The following DNAH12 variants were observed in gnomAD, a reference collection of about 807,000 sequenced individuals.
The protein encoded by DNAH12 is dynein axonemal heavy chain 12.
A neutral mutation model predicts 371.5 loss-of-function variants in DNAH12; 285 were observed. The observed-to-expected ratio is 0.77, with a 90% CI of 0.70 to 0.85. The LOEUF is 0.85. DNAH12 is among the 40% of genes least tolerant of loss of function. The pLI is 0.00. For missense variants in DNAH12, 3,611 were observed against 3,689.4 expected, an observed-to-expected ratio of 0.98 and a Z score of 0.55; for synonymous variants, 1,200 against 1,213.0, an observed-to-expected ratio of 0.99 and a Z score of 0.22.
intron 60 of DNAH12, among the ~76,000 whole-genome samples, chr3:57,349,078 A>G (rs182703009): frequency 1.3e-4 from 20 of 152,372 alleles, no homozygotes; most frequent in African/African-American, 4.6e-4. Flanking sequence ...CAATCTATAT[A>G]TCTGGCAAAG....
chr3:57,326,416 A>T (rs1301033534), intron 62 of DNAH12, among the ~76,000 whole-genome samples: 1 of 152,196 alleles, frequency 6.6e-6, no homozygotes, highest in Non-Finnish European at 1.5e-5. Flanking sequence ...AACATTCTTA[A>T]AGAAAAGAAT....
intron 55 of DNAH12, among the ~76,000 whole-genome samples, chr3:57,373,002 T>C (rs1426478578): frequency 1.3e-5 from 2 of 152,144 alleles, no homozygotes; most frequent in African/African-American, 2.4e-5. Context: ...ACTCAACAAA[T>C]AGTGCTGGAG....
rs765599481 is a variant in DNAH12, at chr3:57,468,725, T to C, written c.2349+11A>G. 1.5e-4 allele frequency: 201 copies of C among 1,340,566 alleles called. No homozygotes were observed. Among genetic ancestry groups the C allele is most frequent in the Non-Finnish European group, 1.9e-4 (194 of 1,033,486 alleles). The allele number at this position is 1,340,566 out of a possible 1,614,324, so 83.0% of individuals were successfully genotyped here. A position where few individuals can be genotyped will look rare whatever the true frequency, so the allele number is the denominator to read the frequency against. Reference sequence around the variant, plus strand: ...GCTATAATATTAAAATGTTATTATATATATTTATACCTTAAAAGCTTTTAT... The same window carrying C: ...GCTATAATATTAAAATGTTATTATACATATTTATACCTTAAAAGCTTTTAT... On this transcript the variant is annotated intron_variant, in intron 17 of 73. Coordinates refer to ENST00000495027, the MANE Select transcript of DNAH12 (RefSeq NM_001366028.2).
chr3:57,432,720 T>G (rs901854295), intron 32 of DNAH12, among the ~76,000 whole-genome samples: 6 of 151,962 alleles, frequency 3.9e-5, no homozygotes, highest in African/African-American at 1.5e-4. Flanking sequence ...TAATTCATCA[T>G]AGAAGTCAGA....
chr3:57,297,746 G>A lies in DNAH12; in HGVS notation c.11395-762C>T, dbSNP rs181863392. Among the ~76,000 whole-genome samples, 5 of 152,182 alleles carry A rather than the reference G, an allele frequency of 3.3e-5. No individual in the cohort carries two copies. In the East Asian group the frequency reaches 9.7e-4, roughly 29 times the overall value. On this transcript the variant is annotated intron_variant, in intron 70 of 73. Coordinates refer to ENST00000495027, the MANE Select transcript of DNAH12 (RefSeq NM_001366028.2). ...TTCATGGTCTTCTTTCTGTACCAGT[G>A]CATGTTGTCTTCTTGCTTCTTCCCT...
chr3:57,428,752 A>T lies in DNAH12; in HGVS notation c.5134T>A (p.Ser1712Thr), dbSNP rs1468582215. 1 of 1,551,554 alleles carries T rather than the reference A, an allele frequency of 6.4e-7. No homozygotes were observed. The highest frequency in any genetic ancestry group is 8.7e-7 in the Non-Finnish European group (1 of 1,146,940). Residue 1712 changes from serine to threonine, a missense_variant, in exon 34 of 74, where the codon TCT (serine) becomes ACT (threonine). This residue lies in a region of DNAH12 where 2,266 missense variants were observed against 2,236.9 expected (regional missense o/e 1.01). Transcript: ENST00000495027. ...PSQLGWEPLV[S>T]SWLNSLKGPL... ...CCTTTCAGTGAATTCAACCAAGAAGACACAAGTGGTTCCCATCCTAACTGT... is the reference window on the plus strand; with the variant it reads ...CCTTTCAGTGAATTCAACCAAGAAGTCACAAGTGGTTCCCATCCTAACTGT...
chr3:57,334,423 G>A (rs1322793722), intron 62 of DNAH12, 42 bp downstream of exon 62: 4 of 1,510,448 alleles, frequency 2.6e-6, no homozygotes, highest in Non-Finnish European at 3.5e-6. Context: ...TTCATAAATG[G>A]CAAATTATCT....
At chr3:57,322,808 T>C (rs2061838721) in intron 64 of DNAH12, among the ~76,000 whole-genome samples, 199 bp downstream of exon 64, 1 of 152,124 alleles carries the variant, frequency 6.6e-6, no homozygotes, top group African/African-American at 2.4e-5. Context: ...TATGCGCCTG[T>C]AATCCCAGCT....
chr3:57,336,547 G>T (rs782505371), intron 60 of DNAH12, among the ~76,000 whole-genome samples: 2 of 151,738 alleles, frequency 1.3e-5, no homozygotes, highest in Non-Finnish European at 2.9e-5. Flanking sequence ...ATATTGAAAA[G>T]ATTCATTACA....
intron 2 of DNAH12, among the ~76,000 whole-genome samples, chr3:57,537,878 T>A (rs2069117421): frequency 6.6e-6 from 1 of 152,090 alleles, no homozygotes; most frequent in African/African-American, 2.4e-5. Context: ...AGAGACGGTG[T>A]TTCACCATGT....
intron 2 of DNAH12, among the ~76,000 whole-genome samples, chr3:57,529,209 T>C (rs1013083449): frequency 7.2e-5 from 11 of 152,194 alleles, no homozygotes; most frequent in African/African-American, 2.7e-4. Context: ...CTTTTTTTGA[T>C]GTATCTTTGT....
chr3:57,344,964 A>G (rs2062502516), intron 60 of DNAH12, among the ~76,000 whole-genome samples: 1 of 152,104 alleles, frequency 6.6e-6, no homozygotes, highest in Admixed American at 6.5e-5. Context: ...ATTCATGTAT[A>G]ATTTTTGACT....
At chr3:57,513,077 G>T (rs1286051570) in intron 4 of DNAH12, among the ~76,000 whole-genome samples, 1 of 151,662 alleles carries the variant, frequency 6.6e-6, no homozygotes, top group Middle Eastern at 3.2e-3. Flanking sequence ...AGCGGAGATT[G>T]CAGTGAGCCG....
chr3:57,365,439 C>A (rs1312885224), intron 57 of DNAH12, among the ~76,000 whole-genome samples: 1 of 152,070 alleles, frequency 6.6e-6, no homozygotes, highest in Admixed American at 6.6e-5. Flanking sequence ...TAGGGAACAA[C>A]ACACACTGGG....
chr3:57,480,309 T>C (rs547509509), intron 13 of DNAH12, among the ~76,000 whole-genome samples: 115 of 152,176 alleles, frequency 7.6e-4, no homozygotes, highest in African/African-American at 2.6e-3. Flanking sequence ...GCAAATAAAC[T>C]AGAAAATCTA....
At chr3:57,482,074 A>G (rs959242167) in intron 13 of DNAH12, among the ~76,000 whole-genome samples, 1 of 152,174 alleles carries the variant, frequency 6.6e-6, no homozygotes, top group Non-Finnish European at 1.5e-5. Context: ...GACAAATGGG[A>G]TCTAATTAAA....
chr3:57,473,215 G>A (rs1169669838), intron 13 of DNAH12, among the ~76,000 whole-genome samples: 1 of 152,028 alleles, frequency 6.6e-6, no homozygotes, highest in African/African-American at 2.4e-5. Context: ...GGCCAGGTAC[G>A]GTAGCTCACA....
At chr3:57,456,460 CA>C (rs2065904922) in intron 22 of DNAH12, among the ~76,000 whole-genome samples, 1 of 152,200 alleles carries the variant, frequency 6.6e-6, no homozygotes, top group African/African-American at 2.4e-5. Flanking sequence ...ACGTGTTTAT[CA>C]TTCAAGATTA....
intron 30 of DNAH12, among the ~76,000 whole-genome samples, chr3:57,435,341 C>T (rs73076405): frequency 1.5e-5 from 2 of 135,312 alleles, no homozygotes; most frequent in African/African-American, 5.5e-5. Flanking sequence ...CACTGCATTC[C>T]AGCCTGGGTG....
Sources: allele counts gnomAD v4.1 joint callset (sites outside exome capture counted in the v4.1 genomes callset), GRCh38; gene constraint gnomAD v4.1.1; regional missense constraint gnomAD v4.1.1; transcripts MANE v1.5; gene names NCBI Gene and HGNC (gene_info 2026-07-23, HGNC 2026-07-21).